Variants in RBBP8 observed in about 807,000 individuals in gnomAD.
RBBP8 encodes DNA endonuclease RBBP8.
RBBP8 carries 88 observed loss-of-function variants against 108.3 expected under a neutral mutation model. That is an observed-to-expected ratio of 0.81 (90% CI 0.68 to 0.97). RBBP8 has a LOEUF of 0.97. Ranked by LOEUF, RBBP8 falls within the 50% of genes least tolerant of loss-of-function variation. The pLI is 0.00. For missense variants in RBBP8, 1,023 were observed against 1,049.0 expected (o/e 0.98, Z 0.34); for synonymous variants, 332 against 348.2 (o/e 0.95, Z 0.52).
chr18:23,007,002 C>CGT lies in RBBP8; in HGVS notation c.2357+570_2357+571insGT, dbSNP rs1555647022. On this transcript the variant is annotated intron_variant, in intron 16 of 18. Transcript: ENST00000327155. ...CTCTGCTTTTGTGTGTGTGCGTGTG[C>CGT]ATGTGTGTGTGTGTATTTCTTTTTT... Among the ~76,000 whole-genome samples, 23 of 147,342 alleles carry CGT rather than the reference C, an allele frequency of 1.6e-4. 1 individual carries two copies. The highest frequency in any genetic ancestry group is 2.2e-4 in the African/African-American group (9 of 40,308).
chr18:22,964,336 TA>T (rs1913373615), intron 4 of RBBP8, among the ~76,000 whole-genome samples: 1 of 151,744 alleles, frequency 6.6e-6, no homozygotes, highest in African/African-American at 2.4e-5. Flanking sequence ...AGTTCTTTTG[TA>T]TAGATCTGTT....
chr18:22,992,519 A>C (rs1001765752), intron 10 of RBBP8, among the ~76,000 whole-genome samples: 2 of 152,184 alleles, frequency 1.3e-5, no homozygotes, highest in African/African-American at 2.4e-5. Flanking sequence ...TGTATAATAA[A>C]GTTATTTAAA....
At chr18:22,980,283 A>C (rs1231900871) in intron 6 of RBBP8, among the ~76,000 whole-genome samples, 1 of 152,164 alleles carries the variant, frequency 6.6e-6, no homozygotes, top group African/African-American at 2.4e-5. Context: ...AGTAAATTGC[A>C]TACTATGTTA....
In RBBP8 at chr18:22,993,453, C is replaced by A; in HGVS notation, c.1626C>A (p.Asn542Lys). The A allele has an allele frequency of 6.2e-7, 1 of 1,614,250 alleles. No individual in the cohort carries two copies. Among genetic ancestry groups the A allele is most frequent in the Non-Finnish European group, 8.5e-7 (1 of 1,180,038 alleles). ...FSSSRKASDGNCTLPKDSPGE... is the reference protein window; with the variant it reads ...FSSSRKASDGKCTLPKDSPGE... ...CAAGCCGTAAGGCCTCAGATGGCAACTGCACGTTGCCCAAAGATTCCCCAG... is the reference window on the plus strand; with the variant it reads ...CAAGCCGTAAGGCCTCAGATGGCAAATGCACGTTGCCCAAAGATTCCCCAG... Residue 542 changes from asparagine (N) to lysine (K), a missense_variant, in exon 11 of 19, where the codon AAC becomes AAA. Coordinates refer to ENST00000327155, the MANE Select transcript of RBBP8 (RefSeq NM_002894.3).
intron 3 of RBBP8, among the ~76,000 whole-genome samples, chr18:22,948,304 T>A (rs1014018098): frequency 9.9e-5 from 15 of 152,124 alleles, no homozygotes; most frequent in Non-Finnish European, 2.1e-4. Context: ...ATTTGCTGAA[T>A]AGGATCAGTG....
At chr18:22,949,277 A>C (rs2144486771) in intron 3 of RBBP8, among the ~76,000 whole-genome samples, 1 of 152,328 alleles carries the variant, frequency 6.6e-6, no homozygotes, top group South Asian at 2.1e-4. Flanking sequence ...GAAATTAGTA[A>C]AATAGAAAGT....
chr18:22,959,554 G>C (rs994249812), intron 4 of RBBP8, among the ~76,000 whole-genome samples: 1 of 152,078 alleles, frequency 6.6e-6, no homozygotes, highest in Admixed American at 6.5e-5. Context: ...TTCTTAGTCA[G>C]AGACTGATTT....
chr18:23,014,095 T>C (rs1233000431), intron 16 of RBBP8, among the ~76,000 whole-genome samples: 1 of 151,976 alleles, frequency 6.6e-6, no homozygotes, highest in Non-Finnish European at 1.5e-5. Context: ...GCCTCCCGAG[T>C]TCAAGTGATT....
intron 3 of RBBP8, among the ~76,000 whole-genome samples, chr18:22,923,668 C>T (rs1909684428): frequency 6.6e-6 from 1 of 152,170 alleles, no homozygotes. Flanking sequence ...TTCCATAGTA[C>T]AAGAAGGCTG....
intron 9 of RBBP8, 78 bp from the exon 10 acceptor site, chr18:22,990,859 C>T (rs1567981919): frequency 9.4e-7 from 1 of 1,066,602 alleles, no homozygotes; most frequent in Non-Finnish European, 1.4e-6. Context: ...TACATCATAA[C>T]ATATATCAGT....
At chr18:22,989,407 T>C in intron 9 of RBBP8, 89 bp downstream of exon 9, 1 of 968,874 alleles carries the variant, frequency 1.0e-6, no homozygotes, top group Non-Finnish European at 1.6e-6. Flanking sequence ...AGAATTGTTC[T>C]ATCTAAAGAT....
rs34372414 is a variant in RBBP8 at position 22,989,247 on chromosome 18, C to G, written c.736C>G (p.Pro246Ala). Residue 246 changes from proline to alanine, a missense_variant, in exon 9 of 19, where the codon CCT becomes GCT. Coordinates refer to ENST00000327155, the MANE Select transcript of RBBP8 (RefSeq NM_002894.3). Reference sequence around the variant, plus strand: ...AGCACATGGAACAAGCAGCTATACCCCTGATAAGTCATCTTTTAATTTAGC... The same window carrying G: ...AGCACATGGAACAAGCAGCTATACCGCTGATAAGTCATCTTTTAATTTAGC... The part of the protein sequence containing the change: ...AKAHGTSSYT[P>A]DKSSFNLATV... The G allele has an allele frequency of 1.2e-3, 1,855 of 1,609,816 alleles. 15 individuals carry two copies. The African/African-American group carries it at 0.023, about 20-fold the overall frequency.
intron 3 of RBBP8, among the ~76,000 whole-genome samples, chr18:22,919,849 G>A (rs999344335): frequency 1.3e-5 from 2 of 151,888 alleles, no homozygotes; most frequent in Non-Finnish European, 2.9e-5. Context: ...ACCATGTCTA[G>A]CCTAATTAAT....
At chr18:22,976,745 G>T (rs530824389) in intron 6 of RBBP8, among the ~76,000 whole-genome samples, 3 of 152,090 alleles carry the variant, frequency 2.0e-5, no homozygotes, top group East Asian at 3.9e-4. Context: ...CGTAGCTTAT[G>T]GTATTTTGAA....
intron 3 of RBBP8, among the ~76,000 whole-genome samples, chr18:22,927,050 TA>T (rs1909815691): frequency 6.6e-6 from 1 of 152,194 alleles, no homozygotes; most frequent in Non-Finnish European, 1.5e-5. Context: ...AAACAACTTT[TA>T]AAAAATTGAA....
At chr18:22,973,026 C>T (rs564054109) in intron 5 of RBBP8, among the ~76,000 whole-genome samples, 20 of 152,158 alleles carry the variant, frequency 1.3e-4, no homozygotes, top group Non-Finnish European at 2.4e-4. Flanking sequence ...TACTTGGGAG[C>T]ACTGCTCTGA....
intron 17 of RBBP8, 62 bp from the exon 18 acceptor site, chr18:23,022,067 A>G: frequency 7.4e-7 from 1 of 1,352,394 alleles, no homozygotes. Flanking sequence ...GTTTGTAATC[A>G]ATAAGCATAA....
chr18:23,017,699 A>G (rs2046284017), intron 17 of RBBP8, among the ~76,000 whole-genome samples: 1 of 149,954 alleles, frequency 6.7e-6, no homozygotes, highest in Non-Finnish European at 1.5e-5. Context: ...GAAATTAGGT[A>G]TACTCATAAT....
intron 4 of RBBP8, among the ~76,000 whole-genome samples, chr18:22,953,584 A>G (rs1912226441): frequency 6.6e-6 from 1 of 152,110 alleles, no homozygotes; most frequent in Non-Finnish European, 1.5e-5. Flanking sequence ...TTTATGGCTT[A>G]AAGTTTGAGC....
Sources: allele counts gnomAD v4.1 joint callset (sites outside exome capture counted in the v4.1 genomes callset), GRCh38; gene constraint gnomAD v4.1.1; transcripts MANE v1.5; gene names NCBI Gene and HGNC (gene_info 2026-07-23, HGNC 2026-07-21).